The following PRRG4 variants were observed in gnomAD, a reference collection of about 807,000 sequenced individuals.
PRRG4 encodes transmembrane gamma-carboxyglutamic acid protein 4.
In PRRG4, 12 loss-of-function variants were observed where a neutral mutation model predicts 20.0. The ratio of observed to expected loss-of-function variants is 0.60; its 90% confidence interval spans 0.38 to 0.97. The LOEUF is 0.97. Ranked by LOEUF, PRRG4 falls within the 50% of genes least tolerant of loss-of-function variation. The pLI is 0.00. For synonymous variants in PRRG4, 94 were observed against 96.4 expected (o/e 0.98, Z 0.15); for missense variants, 199 against 265.1 (o/e 0.75, Z 1.73).
intron 2 of PRRG4, 141 bp from the exon 3 acceptor site, chr11:32,836,517 G>T (rs1321361255): frequency 4.7e-6 from 2 of 429,346 alleles, no homozygotes; most frequent in South Asian, 8.0e-5. Flanking sequence ...TTCTTTTTTT[G>T]GGTTAGATTT....
chr11:32,843,854 A>C (rs1284070095), intron 5 of PRRG4, among the ~76,000 whole-genome samples: 1 of 152,106 alleles, frequency 6.6e-6, no homozygotes, highest in African/African-American at 2.4e-5. Flanking sequence ...ATTTTACTAC[A>C]ATAACACCTC....
In PRRG4 at chr11:32,857,167, T is replaced by C. The variant is rs986940185; in HGVS notation, c.*3640T>C. On this transcript the variant is annotated 3_prime_UTR_variant, in exon 6 of 6. Coordinates refer to ENST00000257836, the MANE Select transcript of PRRG4 (RefSeq NM_024081.6). ...AGTTTTGCATCTTTTTTTTTTTTTT[T>C]TCCAGAAGGAGTCTCACTTTGTCAC... The C allele has an allele frequency of 1.3e-5, 2 of 152,012 alleles. No individual in the cohort carries two copies. Among genetic ancestry groups the C allele is most frequent in the Non-Finnish European group, 2.9e-5 (2 of 68,526 alleles). 9.4% of individuals were successfully genotyped at this position (152,012 alleles called of 1,614,324 possible). A position where few individuals can be genotyped will look rare whatever the true frequency, so the allele number is the denominator to read the frequency against.
intron 2 of PRRG4, among the ~76,000 whole-genome samples, chr11:32,834,182 T>C (rs1454422396): frequency 6.6e-6 from 1 of 152,174 alleles, no homozygotes; most frequent in Non-Finnish European, 1.5e-5. Context: ...GTTAGAAGGT[T>C]TTTAAAAAGC....
At chr11:32,831,724 G>C (rs1267719719) in intron 2 of PRRG4, among the ~76,000 whole-genome samples, 1 of 152,126 alleles carries the variant, frequency 6.6e-6, no homozygotes. Context: ...CATGACACGG[G>C]TATAAGAGAC....
chr11:32,830,299 T>G, intron 1 of PRRG4, 126 bp downstream of exon 1: 2 of 844,062 alleles, frequency 2.4e-6, no homozygotes, highest in Non-Finnish European at 3.2e-6. Context: ...CGATCAGCCC[T>G]CGGCAGGGTC....
At chr11:32,833,818 A>G (rs1005882536) in intron 2 of PRRG4, among the ~76,000 whole-genome samples, 3 of 152,224 alleles carry the variant, frequency 2.0e-5, no homozygotes, top group African/African-American at 7.2e-5. Flanking sequence ...AGTGGTAACA[A>G]ATAAGTAAAG....
At position 32,854,122 on chromosome 11, in the gene PRRG4, T is replaced by C. The variant is rs1407737747; in HGVS notation, c.*595T>C. 1 of 152,604 alleles carries C rather than the reference T, an allele frequency of 6.6e-6. No homozygotes were observed. The highest frequency in any genetic ancestry group is 1.5e-5 in the Non-Finnish European group (1 of 68,338). 9.5% of individuals were successfully genotyped at this position (152,604 alleles called of 1,614,324 possible). Reference sequence around the variant, plus strand: ...GAAGAAAGCACTTTTTTGTAATGTTTGTTTTAATGGTTCAAAAAAAATCTT... The same window carrying C: ...GAAGAAAGCACTTTTTTGTAATGTTCGTTTTAATGGTTCAAAAAAAATCTT... On this transcript the variant is annotated 3_prime_UTR_variant, in exon 6 of 6. Transcript: ENST00000257836.
At position 32,830,004 on chromosome 11, in the gene PRRG4, G is replaced by A. The variant is rs546323987; in HGVS notation, c.-192G>A. The A allele has an allele frequency of 2.0e-6, 2 of 985,812 alleles. No individual in the cohort carries two copies. The highest frequency in any genetic ancestry group is 6.1e-5 in the Admixed American group (1 of 16,298). The allele number at this position is 985,812 out of a possible 1,614,324, so 61.1% of individuals were successfully genotyped here. ...CCCGGGCGCCCCTCTGCGAACCCCA[G>A]GCCCTTCCCAGGTTTGCGCGCGGGG... On this transcript the variant is annotated 5_prime_UTR_variant, in exon 1 of 6. Transcript: ENST00000257836.
intron 4 of PRRG4, among the ~76,000 whole-genome samples, 198 bp downstream of exon 4, chr11:32,839,128 G>A (rs1189635444): frequency 6.6e-6 from 1 of 152,130 alleles, no homozygotes; most frequent in Non-Finnish European, 1.5e-5. Flanking sequence ...AATCAAGTTT[G>A]GTGAGATACT....
chr11:32,852,763 C>G (rs999889655), intron 5 of PRRG4, among the ~76,000 whole-genome samples: 1 of 148,372 alleles, frequency 6.7e-6, no homozygotes, highest in African/African-American at 2.5e-5. Flanking sequence ...ATGACAGGAT[C>G]AGATTTCTCT....
At position 32,840,678 on chromosome 11, in the gene PRRG4, G is replaced by A. The variant is rs916041421; in HGVS notation, c.449+439G>A. Reference sequence around the variant, plus strand: ...AATGATGCTATTTCTAAGGTCCTTCGAAAGAATACAAGAAGTTTCACATAG... The same window carrying A: ...AATGATGCTATTTCTAAGGTCCTTCAAAAGAATACAAGAAGTTTCACATAG... On this transcript the variant is annotated intron_variant, in intron 5 of 5. Transcript: ENST00000257836. The surrounding 1 kb of genome is among the most constrained non-coding windows in gnomAD (Gnocchi z 4.1). 5.3e-5 allele frequency among the ~76,000 whole-genome samples: 8 copies of A among 152,054 alleles called. No individual in the cohort carries two copies. The highest frequency in any genetic ancestry group is 1.2e-4 in the African/African-American group (5 of 41,390).
At chr11:32,841,644 A>T (rs547257331) in intron 5 of PRRG4, among the ~76,000 whole-genome samples, 1 of 151,378 alleles carries the variant, frequency 6.6e-6, no homozygotes, top group South Asian at 2.1e-4. Flanking sequence ...CTATCTCTAT[A>T]AAAAAAAATT....
chr11:32,843,730 G>GTTT (rs11367288), intron 5 of PRRG4, among the ~76,000 whole-genome samples: 1 of 141,998 alleles, frequency 7.0e-6, no homozygotes, highest in Non-Finnish European at 1.5e-5. Context: ...CCGTTTTTCT[G>GTTT]TTTTTTTTTT....
chr11:32,845,820 T>C (rs756104780), intron 5 of PRRG4, among the ~76,000 whole-genome samples: 1 of 151,858 alleles, frequency 6.6e-6, no homozygotes, highest in Non-Finnish European at 1.5e-5. Flanking sequence ...ATATAGGAGA[T>C]GATAAGCAAA....
intron 5 of PRRG4, among the ~76,000 whole-genome samples, chr11:32,848,201 A>T (rs975515403): frequency 1.3e-5 from 2 of 152,166 alleles, no homozygotes; most frequent in African/African-American, 4.8e-5. Context: ...GGGGAGGAAC[A>T]TTATTCCTCA....
At position 32,854,764 on chromosome 11, in the gene PRRG4, G is replaced by T. The variant is rs1335983975; in HGVS notation, c.*1237G>T. On this transcript the variant is annotated 3_prime_UTR_variant, in exon 6 of 6. Transcript: ENST00000257836. ...CAGAGTTTAGTTCTTAACTCTTGCTGTCAGTCATGTTTTATTATAGGTAGT... is the reference window on the plus strand; with the variant it reads ...CAGAGTTTAGTTCTTAACTCTTGCTTTCAGTCATGTTTTATTATAGGTAGT... 6.6e-6 allele frequency: 1 copy of T among 152,026 alleles called. No homozygotes were observed. The highest frequency in any genetic ancestry group is 2.4e-5 in the African/African-American group (1 of 41,394). The allele number at this position is 152,026 out of a possible 1,614,324, so 9.4% of individuals were successfully genotyped here.
intron 1 of PRRG4, 65 bp from the exon 2 acceptor site, chr11:32,830,443 G>C (rs925496032): frequency 6.8e-5 from 84 of 1,230,346 alleles, no homozygotes; most frequent in Non-Finnish European, 8.7e-5. Context: ...GATTCAGTTC[G>C]ACAGAAACTC....
chr11:32,832,278 G>A (rs1850979625), intron 2 of PRRG4, among the ~76,000 whole-genome samples: 3 of 152,152 alleles, frequency 2.0e-5, no homozygotes, highest in African/African-American at 7.2e-5. Flanking sequence ...GGGAGGCAGG[G>A]TGTTTGTTAA....
In PRRG4 at chr11:32,840,141, T is replaced by C; in HGVS notation, c.351T>C (p.Leu117=). ...GNREKIDVMG[L]LTGLIAAGVF... ...GAGAGAAAATAGATGTTATGGGCCT[T>C]CTGACTGGATTAATTGCTGCTGGAG... The change falls in exon 5 of 6, where the codon CTT becomes CTC. Residue 117 remains leucine, a synonymous_variant. Transcript: ENST00000257836. This position sits in a 1 kb window ranked among gnomAD's most constrained non-coding sequence, Gnocchi z 4.1. 1 of 1,608,018 alleles carries C rather than the reference T, an allele frequency of 6.2e-7. No homozygotes were observed. Among genetic ancestry groups the C allele is most frequent in the Non-Finnish European group, 8.5e-7 (1 of 1,174,774 alleles).
Sources: gnomAD v4.1 joint callset for allele counts (sites outside exome capture counted in the v4.1 genomes callset) on GRCh38, gnomAD v4.1.1 for gene constraint, Gnocchi (gnomAD v3.1) non-coding constraint, MANE v1.5 for transcripts, NCBI Gene and HGNC (gene_info 2026-07-23, HGNC 2026-07-21) for gene names.